Variants in DMBX1 observed in about 807,000 individuals in gnomAD.
DMBX1 encodes diencephalon/mesencephalon homeobox protein 1.
A neutral mutation model predicts 30.4 loss-of-function variants in DMBX1; 7 were observed. The observed-to-expected ratio is 0.23, with a 90% confidence interval of 0.13 to 0.43. DMBX1 has a LOEUF of 0.43. Ranked by LOEUF, DMBX1 falls within the 20% of genes least tolerant of loss-of-function variation. The pLI is 1.00. For missense variants in DMBX1, 460 were observed against 508.5 expected, an observed-to-expected ratio of 0.90 and a Z score of 0.92; for synonymous variants, 222 against 214.2, an observed-to-expected ratio of 1.04 and a Z score of -0.32.
At chr1:46,497,172 A>G (rs1666040288) in intron 2 of DMBX1, among the ~76,000 whole-genome samples, 1 of 152,114 alleles carries the variant, frequency 6.6e-6, no homozygotes, top group Admixed American at 6.5e-5. Context: ...TCCACCACTT[A>G]CTAGCTGTGG....
intron 2 of DMBX1, among the ~76,000 whole-genome samples, chr1:46,495,511 T>G (rs1265976346): frequency 6.6e-6 from 1 of 152,158 alleles, no homozygotes; most frequent in African/African-American, 2.4e-5. Context: ...TTGTGAAGAT[T>G]AAATGAGATG....
chr1:46,509,418 G>A (rs912138511), intron 3 of DMBX1, among the ~76,000 whole-genome samples: 11 of 152,174 alleles, frequency 7.2e-5, no homozygotes, highest in African/African-American at 2.7e-4. Context: ...GGAGGGCGGG[G>A]GAAGGACTCT....
rs1666270917 is a variant in DMBX1, at chr1:46,507,846, G to A, written c.154+682G>A. On this transcript the variant is annotated intron_variant, in intron 3 of 5. Coordinates refer to ENST00000360032, the MANE Select transcript of DMBX1 (RefSeq NM_172225.2). The stretch of plus-strand genomic sequence containing the variant: ...TCTCCTTTTATAAAAAGGAGACAAT[G>A]GCCATGCCCATCCCCTAGGGTGGTT... Among the ~76,000 whole-genome samples, 5 of 152,132 alleles carry A rather than the reference G, an allele frequency of 3.3e-5. No homozygotes were observed. In the South Asian group the frequency reaches 1.0e-3, roughly 32 times the overall value.
chr1:46,511,971 G>A, intron 5 of DMBX1, 72 bp from the exon 6 acceptor site: 2 of 1,454,718 alleles, frequency 1.4e-6, no homozygotes, highest in Admixed American at 1.9e-5. Context: ...AGGTGAGAAG[G>A]CTGAGTGCAC....
chr1:46,494,028 G>A (rs1665982193), intron 2 of DMBX1, among the ~76,000 whole-genome samples: 1 of 152,252 alleles, frequency 6.6e-6, no homozygotes, highest in Non-Finnish European at 1.5e-5. Flanking sequence ...GAGAGGCCAG[G>A]AACATCCTGG....
Position 46,507,671 on chromosome 1 carries a change from T to C in DMBX1, c.154+507T>C, listed in dbSNP as rs569732207. Among the ~76,000 whole-genome samples the C allele has an allele frequency of 2.6e-5, 4 of 152,306 alleles. No individual in the cohort carries two copies. In the East Asian group the frequency reaches 7.7e-4, roughly 29 times the overall value. On this transcript the variant is annotated intron_variant, in intron 3 of 5. Coordinates refer to ENST00000360032, the MANE Select transcript of DMBX1 (RefSeq NM_172225.2). ...CCATGTGGAGAGGTTATTATTTCCA[T>C]TTTATGGACAAGGAAACGGAGGCTC... is the stretch of plus-strand genomic sequence containing the variant.
chr1:46,503,816 C>T (rs957063387), intron 2 of DMBX1, among the ~76,000 whole-genome samples: 4 of 152,194 alleles, frequency 2.6e-5, no homozygotes, highest in African/African-American at 9.7e-5. Context: ...TCACCTCCCA[C>T]ACTTGGGAAA....
chr1:46,500,307 CTG>C (rs972026139), intron 2 of DMBX1, among the ~76,000 whole-genome samples: 2 of 152,066 alleles, frequency 1.3e-5, no homozygotes, highest in African/African-American at 4.8e-5. Context: ...GCATCAAAAA[CTG>C]TGAGATCAGC....
At chr1:46,495,839 G>A (rs986908559) in intron 2 of DMBX1, among the ~76,000 whole-genome samples, 1 of 152,196 alleles carries the variant, frequency 6.6e-6, no homozygotes, top group African/African-American at 2.4e-5. Flanking sequence ...CAACATTCCC[G>A]GAGTGGGAGG....
chr1:46,507,768 A>C (rs1409596355), intron 3 of DMBX1, among the ~76,000 whole-genome samples: 1 of 152,130 alleles, frequency 6.6e-6, no homozygotes, highest in Non-Finnish European at 1.5e-5. Flanking sequence ...GGAGTCCTAG[A>C]CTTGAAATCA....
At chr1:46,501,213 CCTTTCTTTCTTTCTTTCTTTCTTTCTTT>C (rs764250449) in intron 2 of DMBX1, among the ~76,000 whole-genome samples, 7 of 74,482 alleles carry the variant, frequency 9.4e-5, no homozygotes, top group Admixed American at 2.5e-4. Flanking sequence ...TTCCTTCCTT[CCTTTCTTTCTTTCTTTCTTTCTTTCTTT>C]CTTTCTTTCT....
chr1:46,503,220 C>T (rs779654228), intron 2 of DMBX1, among the ~76,000 whole-genome samples: 67 of 152,374 alleles, frequency 4.4e-4, no homozygotes, highest in Middle Eastern at 3.4e-3. Flanking sequence ...TGGCTGACTT[C>T]AAGTTTCTGC....
intron 2 of DMBX1, among the ~76,000 whole-genome samples, chr1:46,501,454 G>A (rs555330618): frequency 1.3e-5 from 2 of 151,200 alleles, no homozygotes; most frequent in East Asian, 2.0e-4. Context: ...CTAATTTTTT[G>A]TATTTATTAG....
At chr1:46,511,984 C>G (rs961885981) in intron 5 of DMBX1, 59 bp from the exon 6 acceptor site, 1 of 1,532,284 alleles carries the variant, frequency 6.5e-7, no homozygotes, top group Non-Finnish European at 8.8e-7. Context: ...GAGTGCACCT[C>G]TCCTGGCAGA....
In DMBX1 at chr1:46,507,115, C is replaced by G; in HGVS notation, c.105C>G (p.Pro35=). ...CAGCCCAGCAGGCCCAGCATGCCCC[C>G]GACTACCGGCCTTCAGTGCATGCGC... ...QQAAQQAQHA[P]DYRPSVHALT... Residue 35 remains proline (P), a synonymous_variant, in exon 3 of 6, where the codon CCC becomes CCG. Transcript: ENST00000360032. The G allele has an allele frequency of 6.2e-7, 1 of 1,614,214 alleles. No homozygotes were observed. The highest frequency in any genetic ancestry group is 1.1e-5 in the South Asian group (1 of 91,084).
intron 2 of DMBX1, among the ~76,000 whole-genome samples, chr1:46,506,139 C>A (rs1477238376): frequency 2.6e-5 from 4 of 152,140 alleles, no homozygotes; most frequent in Non-Finnish European, 5.9e-5. Context: ...CTCACTGCAA[C>A]CTCCGCCTCC....
At chr1:46,501,213 CCTTTCTTTCTTTCTTTCTTTCTTT>C (rs764250449) in intron 2 of DMBX1, among the ~76,000 whole-genome samples, 12 of 74,480 alleles carry the variant, frequency 1.6e-4, no homozygotes, top group African/African-American at 2.9e-4. Flanking sequence ...TTCCTTCCTT[CCTTTCTTTCTTTCTTTCTTTCTTT>C]CTTTCTTTCT....
At chr1:46,505,626 G>A (rs1434826962) in intron 2 of DMBX1, among the ~76,000 whole-genome samples, 11 of 151,838 alleles carry the variant, frequency 7.2e-5, no homozygotes, top group Non-Finnish European at 1.3e-4. Flanking sequence ...GGGAGGGATA[G>A]CATTGGGAGA....
intron 5 of DMBX1, 63 bp from the exon 6 acceptor site, chr1:46,511,980 A>T: frequency 1.3e-6 from 2 of 1,502,386 alleles, no homozygotes; most frequent in South Asian, 2.5e-5. Flanking sequence ...GGCTGAGTGC[A>T]CCTCTCCTGG....
Sources: allele counts gnomAD v4.1 joint callset (sites outside exome capture counted in the v4.1 genomes callset), GRCh38; gene constraint gnomAD v4.1.1; transcripts MANE v1.5; gene names NCBI Gene and HGNC (gene_info 2026-07-23, HGNC 2026-07-21).